DPP10: variants seen among roughly 807,000 people sequenced by gnomAD.
The protein encoded by DPP10 is inactive dipeptidyl peptidase 10.
Under a neutral mutation model 120.9 loss-of-function variants are expected in DPP10, and 33 were observed. The observed-to-expected ratio is 0.27, with a 90% CI of 0.21 to 0.37. The LOEUF (loss-of-function observed/expected upper bound fraction) is 0.37. Among genes scored for constraint, DPP10 ranks in the 10% least tolerant of loss-of-function variants. The pLI, the probability that DPP10 is intolerant of heterozygous loss-of-function variation, is 1.00. For synonymous variants in DPP10, 337 were observed against 326.1 expected, an observed-to-expected ratio of 1.03 and a Z score of -0.36; for missense variants, 816 against 942.8, an observed-to-expected ratio of 0.87 and a Z score of 1.76.
At chr2:115,261,859 T>G (rs578227764) in intron 1 of DPP10, among the ~76,000 whole-genome samples, 1 of 152,296 alleles carries the variant, frequency 6.6e-6, no homozygotes, top group African/African-American at 2.4e-5. Flanking sequence ...CTAAAACACG[T>G]CACAATCAGG....
intron 3 of DPP10, among the ~76,000 whole-genome samples, chr2:115,367,581 G>A (rs1209596191): frequency 1.3e-5 from 2 of 151,832 alleles, no homozygotes; most frequent in East Asian, 3.9e-4. Flanking sequence ...TTTTCTAAGT[G>A]TTTCAAATTA....
intron 1 of DPP10, among the ~76,000 whole-genome samples, chr2:115,222,387 T>A (rs1449945635): frequency 6.6e-6 from 1 of 152,056 alleles, no homozygotes. Context: ...TTCTCACATG[T>A]TGGGAGGTAA....
intron 3 of DPP10, among the ~76,000 whole-genome samples, chr2:115,403,122 C>T (rs1045948569): frequency 1.3e-5 from 2 of 150,278 alleles, no homozygotes; most frequent in Non-Finnish European, 3.0e-5. Flanking sequence ...ATATGCAGAT[C>T]AATAAATGTG....
intron 1 of DPP10, among the ~76,000 whole-genome samples, chr2:114,689,434 A>G (rs1371555206): frequency 6.6e-6 from 1 of 152,004 alleles, no homozygotes; most frequent in East Asian, 1.9e-4. Flanking sequence ...GTGGCTGTAC[A>G]GCATTTCCAT....
chr2:114,989,578 G>T (rs1700635425), intron 1 of DPP10, among the ~76,000 whole-genome samples: 2 of 152,190 alleles, frequency 1.3e-5, no homozygotes, highest in African/African-American at 4.8e-5. Context: ...TGGGTTACTG[G>T]ATCTGGCTCA....
intron 1 of DPP10, among the ~76,000 whole-genome samples, chr2:115,303,101 A>G (rs757426565): frequency 2.6e-5 from 4 of 152,038 alleles, no homozygotes; most frequent in Non-Finnish European, 4.4e-5. Flanking sequence ...TCAATTGACT[A>G]AAGTTGTCTT....
chr2:115,660,684 A>G (rs202083610), intron 5 of DPP10, among the ~76,000 whole-genome samples: 1 of 31,276 alleles, frequency 3.2e-5, no homozygotes, highest in African/African-American at 1.1e-4. Context: ...TTTTTTGCTA[A>G]TTTTTATTTT....
At chr2:114,512,804 T>C (rs371397067) in intron 1 of DPP10, among the ~76,000 whole-genome samples, 51 of 152,348 alleles carry the variant, frequency 3.3e-4, no homozygotes, top group African/African-American at 1.1e-3. Flanking sequence ...AGCAGGCCTG[T>C]GTAGATGTTG....
intron 1 of DPP10, among the ~76,000 whole-genome samples, chr2:114,626,054 T>G (rs1694485438): frequency 6.6e-6 from 1 of 151,732 alleles, no homozygotes; most frequent in Non-Finnish European, 1.5e-5. Context: ...CAATTCAAAT[T>G]TAGGGTTACA....
intron 5 of DPP10, among the ~76,000 whole-genome samples, chr2:115,565,769 G>GTTTTTTTTTTTTTTTTTT (rs144846765): frequency 1.5e-5 from 2 of 136,224 alleles, no homozygotes; most frequent in Admixed American, 7.5e-5. Context: ...TGTTTGTTTT[G>GTTTTTTTTTTTTTTTTTT]TTTTTTTTTG....
At chr2:115,526,989 A>G (rs1285747504) in intron 5 of DPP10, among the ~76,000 whole-genome samples, 2 of 152,164 alleles carry the variant, frequency 1.3e-5, no homozygotes, top group Non-Finnish European at 2.9e-5. Context: ...TTTGTAAGTC[A>G]TATGTTATAG....
intron 1 of DPP10, among the ~76,000 whole-genome samples, chr2:114,584,551 C>A (rs377172170): frequency 9.5e-4 from 108 of 113,358 alleles, no homozygotes; most frequent in Non-Finnish European, 1.4e-3. Flanking sequence ...CCCCCTCCCC[C>A]CACCCCACAA....
chr2:115,184,785 T>G (rs2054318594), intron 1 of DPP10, among the ~76,000 whole-genome samples: 1 of 152,256 alleles, frequency 6.6e-6, no homozygotes, highest in Non-Finnish European at 1.5e-5. Context: ...ACTGTGACTG[T>G]TGACAGCAGG....
At chr2:115,230,326 C>A (rs1168924725) in intron 1 of DPP10, among the ~76,000 whole-genome samples, 3 of 151,912 alleles carry the variant, frequency 2.0e-5, no homozygotes, top group Non-Finnish European at 4.4e-5. Context: ...TTGGTGGAGT[C>A]TTTAGGTTTT....
At chr2:115,385,243 G>T (rs986180918) in intron 3 of DPP10, among the ~76,000 whole-genome samples, 1 of 152,142 alleles carries the variant, frequency 6.6e-6, no homozygotes, top group Non-Finnish European at 1.5e-5. Context: ...GGAGGAAGGA[G>T]TGCTATACAG....
intron 1 of DPP10, among the ~76,000 whole-genome samples, chr2:115,301,808 G>T (rs921583854): frequency 6.6e-6 from 1 of 151,930 alleles, no homozygotes; most frequent in African/African-American, 2.4e-5. Context: ...CAGTTGCTTA[G>T]TCCTGTCTTA....
intron 1 of DPP10, among the ~76,000 whole-genome samples, chr2:115,016,102 C>G (rs1393320393): frequency 6.6e-6 from 1 of 152,168 alleles, no homozygotes; most frequent in Non-Finnish European, 1.5e-5. Context: ...TCAAACTATA[C>G]TACAAGGCTA....
At chr2:115,255,998 CTCTTT>C (rs2105711274) in intron 1 of DPP10, among the ~76,000 whole-genome samples, 1 of 152,296 alleles carries the variant, frequency 6.6e-6, no homozygotes, top group African/African-American at 2.4e-5. Context: ...GTTTTCGGGT[CTCTTT>C]ACGGCAGCAC....
intron 1 of DPP10, among the ~76,000 whole-genome samples, chr2:115,082,093 C>A (rs1708318669): frequency 6.6e-6 from 1 of 152,062 alleles, no homozygotes; most frequent in Non-Finnish European, 1.5e-5. Context: ...ATATTTTTAT[C>A]AGCTTTTTTA....
Sources: allele counts gnomAD v4.1 joint callset (sites outside exome capture counted in the v4.1 genomes callset), GRCh38; gene constraint gnomAD v4.1.1; transcripts MANE v1.5; gene names NCBI Gene and HGNC (gene_info 2026-07-23, HGNC 2026-07-21).